IRAG2: variants seen among roughly 807,000 people sequenced by gnomAD.
IRAG2 encodes the protein lymphoid restricted membrane protein.
A neutral mutation model predicts 69.9 loss-of-function variants in IRAG2; 45 were observed. That is an observed-to-expected ratio of 0.64 (90% CI 0.51 to 0.83). The LOEUF (loss-of-function observed/expected upper bound fraction) is 0.83. IRAG2 is among the 40% of genes least tolerant of loss of function. The probability of loss-of-function intolerance (pLI) is 0.00; values close to 1 mark genes in which losing one functional copy is unlikely to be tolerated. For synonymous variants in IRAG2, 193 were observed against 202.4 expected, an observed-to-expected ratio of 0.95 and a Z score of 0.40; for missense variants, 520 against 587.0, an observed-to-expected ratio of 0.89 and a Z score of 1.18.
intron 15 of IRAG2, among the ~76,000 whole-genome samples, chr12:25,100,021 A>AAAAAT (rs1948662913): frequency 6.8e-6 from 1 of 146,178 alleles, no homozygotes; most frequent in Non-Finnish European, 1.5e-5. Flanking sequence ...AAAAAAAAAA[A>AAAAAT]AAAATGGGCA....
chr12:25,003,575 C>G (rs1190690174), upstream of IRAG2, among the ~76,000 whole-genome samples: 2 of 151,834 alleles, frequency 1.3e-5, no homozygotes, highest in Admixed American at 6.6e-5. Context: ...TTCTGAATTA[C>G]TATAAGAAGT....
intron 14 of IRAG2, 48 bp from the exon 15 acceptor site, chr12:25,096,862 G>T (rs768193372): frequency 6.6e-7 from 1 of 1,519,836 alleles, no homozygotes; most frequent in Admixed American, 2.0e-5. Context: ...AGAATCACTC[G>T]CTGAATGCTT....
At chr12:24,999,967 T>C (rs1944379586), upstream of IRAG2, among the ~76,000 whole-genome samples, 2 of 152,346 alleles carry the variant, frequency 1.3e-5, 1 homozygote, top group Non-Finnish European at 2.9e-5. Context: ...TAAAATTTTA[T>C]TGGGCTTCCT....
intron 5 of IRAG2, among the ~76,000 whole-genome samples, chr12:25,067,478 C>T (rs1009042543): frequency 6.6e-6 from 1 of 152,168 alleles, no homozygotes; most frequent in Admixed American, 6.5e-5. Context: ...AGGCTGGTCC[C>T]TGCTTGAGAT....
chr12:25,011,433 G>A, exon 3 of IRAG2: 1 of 1,231,682 alleles, frequency 8.1e-7, no homozygotes, highest in Non-Finnish European at 1.0e-6. Context: ...AAATTCTGAA[G>A]ACAGTGGCCT....
At position 25,018,193 on chromosome 12, in the gene IRAG2, C is replaced by CTTTTTT. The variant is rs56659655; in HGVS notation, c.1214+916_1214+921dup. ...GAGTGGAAATGTTTCTTTCTTTCTT[C>CTTTTTT]TTTTTTTTTTTTTTTTTTTTGGAGA... On this transcript the variant is annotated intron_variant, in intron 6 of 38. Coordinates refer to the IRAG2 transcript ENST00000636465. Among the ~76,000 whole-genome samples, 32 of 105,498 alleles carry CTTTTTT rather than the reference C, an allele frequency of 3.0e-4. 1 individual carries two copies. The highest frequency in any genetic ancestry group is 4.3e-4 in the Non-Finnish European group (24 of 55,648). The allele number at this position is 105,498 out of a possible 152,430, so 69.2% of individuals were successfully genotyped here.
rs1356784672 is a variant in IRAG2 at position 25,017,113 on chromosome 12, C to T, written c.1056-21C>T. On this transcript the variant is annotated intron_variant, in intron 5 of 38. Transcript: ENST00000636465. ...GAATTAGTGATGTGAAGGTTATTCT[C>T]ATCTATTCTTTTACTTGCAGAGAGG... 4.1e-6 allele frequency: 5 copies of T among 1,230,760 alleles called. No homozygotes were observed. In the African/African-American group the frequency reaches 6.2e-5, roughly 15 times the overall value. The allele number at this position is 1,230,760 out of a possible 1,614,324, so 76.2% of individuals were successfully genotyped here.
chr12:25,086,084 C>G (rs1785869319), intron 10 of IRAG2, among the ~76,000 whole-genome samples: 1 of 151,602 alleles, frequency 6.6e-6, no homozygotes, highest in Non-Finnish European at 1.5e-5. Context: ...CTTCTCATCT[C>G]AAAAAAAATA....
chr12:25,032,064 C>T, intron 10 of IRAG2: 1 of 397,694 alleles, frequency 2.5e-6, no homozygotes, highest in Non-Finnish European at 4.4e-6. Context: ...TTTTCTGTGG[C>T]TCACATTAAT....
chr12:25,088,631 AT>A (rs1316928118), intron 11 of IRAG2, among the ~76,000 whole-genome samples: 1 of 152,188 alleles, frequency 6.6e-6, no homozygotes, highest in Non-Finnish European at 1.5e-5. Flanking sequence ...TTAAGTCTCA[AT>A]TTTCTCATTT....
intron 2 of IRAG2, among the ~76,000 whole-genome samples, chr12:25,062,569 A>G (rs1299025190): frequency 6.6e-6 from 1 of 152,226 alleles, no homozygotes; most frequent in Non-Finnish European, 1.5e-5. Context: ...CTGCCTACAG[A>G]TTTCAGTGAC....
At chr12:25,015,656 C>T (rs1423443081) in intron 5 of IRAG2, among the ~76,000 whole-genome samples, 1 of 152,212 alleles carries the variant, frequency 6.6e-6, no homozygotes, top group Non-Finnish European at 1.5e-5. Context: ...CACTTGCTCT[C>T]TCATGAAACC....
intron 14 of IRAG2, among the ~76,000 whole-genome samples, chr12:25,094,705 CA>C (rs1948304123): frequency 7.1e-6 from 1 of 140,718 alleles, no homozygotes; most frequent in Non-Finnish European, 1.6e-5. Context: ...CCCATGAACA[CA>C]GGGTGTCTTT....
At chr12:25,094,273 G>C (rs964789754) in intron 14 of IRAG2, among the ~76,000 whole-genome samples, 8 of 152,018 alleles carry the variant, frequency 5.3e-5, no homozygotes, top group Admixed American at 5.2e-4. Flanking sequence ...ATGATGTAAG[G>C]TAAGGGTCCA....
At chr12:25,050,618 C>A (rs1333448357), upstream of IRAG2, among the ~76,000 whole-genome samples, 1 of 151,902 alleles carries the variant, frequency 6.6e-6, no homozygotes, top group East Asian at 1.9e-4. Flanking sequence ...ATCTAGGAAC[C>A]CCACTTCTGG....
intron 2 of IRAG2, 68 bp downstream of exon 2, chr12:25,061,721 G>A (rs921148705): frequency 1.8e-5 from 7 of 398,016 alleles, no homozygotes; most frequent in Non-Finnish European, 2.7e-5. Flanking sequence ...AGGTTTTGAA[G>A]CTAATTTATA....
chr12:25,103,882 A>G lies in IRAG2; in HGVS notation c.979A>G (p.Ile327Val), dbSNP rs776168197. ...RVTIASLPRN[I>V]GNAGMVAGME... ...GACTATTGCCTCTTTACCCAGAAAT[A>G]TTGGAAATGCAGGAATGGTAAGACA... The change falls in exon 18 of 22, where the codon ATT (isoleucine) becomes GTT (valine). Residue 327 changes from isoleucine to valine, a missense_variant. By Grantham distance (29) the Ile-to-Val change is conservative. Transcript: ENST00000556887. 1 of 1,613,362 alleles carries G rather than the reference A, an allele frequency of 6.2e-7. No homozygotes were observed. Among genetic ancestry groups the G allele is most frequent in the Non-Finnish European group, 8.5e-7 (1 of 1,179,474 alleles).
chr12:25,090,303 A>G, intron 14 of IRAG2, 106 bp downstream of exon 14: 2 of 1,013,812 alleles, frequency 2.0e-6, no homozygotes, highest in Non-Finnish European at 2.9e-6. Context: ...GGATCATGGG[A>G]GACCAAGGCA....
intron 8 of IRAG2, 67 bp from the exon 9 acceptor site, chr12:25,079,589 T>C: frequency 7.8e-7 from 1 of 1,275,202 alleles, no homozygotes; most frequent in South Asian, 1.2e-5. Flanking sequence ...TTGCATAGTA[T>C]AGTTAAATAC....
Sources: allele counts gnomAD v4.1 joint callset (sites outside exome capture counted in the v4.1 genomes callset), GRCh38; gene constraint gnomAD v4.1.1; transcripts MANE v1.5; gene names NCBI Gene and HGNC (gene_info 2026-07-23, HGNC 2026-07-21).